The following MTPN variants were observed in gnomAD, a reference collection of about 807,000 sequenced individuals.
The protein encoded by MTPN is myotrophin.
In MTPN, 2 loss-of-function variants were observed where a neutral mutation model predicts 13.5. The observed-to-expected ratio is 0.15, with a 90% CI of 0.06 to 0.47. The LOEUF is 0.47. MTPN is among the 20% of genes least tolerant of loss of function. The pLI, the probability that MTPN is intolerant of heterozygous loss-of-function variation, is 0.97. For missense variants in MTPN, 79 were observed against 137.9 expected (o/e 0.57, Z 2.14); for synonymous variants, 46 against 51.7 (o/e 0.89, Z 0.48).
At chr7:135,930,516 G>A (rs770799811) in intron 3 of MTPN, among the ~76,000 whole-genome samples, 2 of 152,136 alleles carry the variant, frequency 1.3e-5, no homozygotes, top group East Asian at 1.9e-4. Context: ...CCTGAGATGC[G>A]GACTATAAGA....
chr7:135,941,826 C>T (rs998639725), intron 3 of MTPN, among the ~76,000 whole-genome samples: 1 of 151,008 alleles, frequency 6.6e-6, no homozygotes, highest in African/African-American at 2.4e-5. Flanking sequence ...AAAGCACAAA[C>T]GAGCCTTCAA....
chr7:135,931,758 C>A (rs1799025380), intron 3 of MTPN, among the ~76,000 whole-genome samples: 1 of 152,112 alleles, frequency 6.6e-6, no homozygotes, highest in Non-Finnish European at 1.5e-5. Flanking sequence ...GAGTTTATTT[C>A]CCTCCATTTG....
chr7:135,950,547 T>C (rs1164921485), intron 3 of MTPN, 52 bp downstream of exon 3: 1 of 1,346,464 alleles, frequency 7.4e-7, no homozygotes, highest in South Asian at 1.2e-5. Context: ...AATCAAATAC[T>C]TGGCTTAAAC....
At chr7:135,940,369 T>C (rs545513833) in intron 3 of MTPN, among the ~76,000 whole-genome samples, 1 of 152,342 alleles carries the variant, frequency 6.6e-6, no homozygotes, top group African/African-American at 2.4e-5. Context: ...TAATTTCATA[T>C]TTAATTTACA....
intron 1 of MTPN, among the ~76,000 whole-genome samples, chr7:135,968,018 C>T (rs973472836): frequency 6.6e-6 from 1 of 152,062 alleles, no homozygotes; most frequent in African/African-American, 2.4e-5. Context: ...TCTTGAACTC[C>T]TGGGCTCAAG....
intron 3 of MTPN, chr7:135,932,276 C>T (rs1332129395): frequency 1.3e-5 from 2 of 152,068 alleles, no homozygotes; most frequent in Non-Finnish European, 2.9e-5. Context: ...TGGGGCACCA[C>T]CTCGATGAAA....
intron 1 of MTPN, among the ~76,000 whole-genome samples, chr7:135,966,578 T>G (rs1474371201): frequency 6.6e-6 from 1 of 152,014 alleles, no homozygotes; most frequent in Non-Finnish European, 1.5e-5. Context: ...GGACTGTCTG[T>G]GAAATCAAAA....
At chr7:135,936,945 T>TA (rs916319997) in intron 3 of MTPN, among the ~76,000 whole-genome samples, 1 of 152,180 alleles carries the variant, frequency 6.6e-6, no homozygotes, top group African/African-American at 2.4e-5. Context: ...GCAGAATGTT[T>TA]AAAAAAACTT....
chr7:135,960,505 A>G (rs1799504160), intron 1 of MTPN, among the ~76,000 whole-genome samples: 1 of 152,028 alleles, frequency 6.6e-6, no homozygotes, highest in African/African-American at 2.4e-5. Flanking sequence ...AGCACACCCT[A>G]AATCTGAATA....
At chr7:135,950,486 T>C (rs779692758) in intron 3 of MTPN, 113 bp downstream of exon 3, 8 of 852,764 alleles carry the variant, frequency 9.4e-6, no homozygotes, top group Middle Eastern at 2.4e-4. Context: ...ATTTTGTATA[T>C]TGCTTCCAGT....
chr7:135,933,396 C>A (rs761233447), intron 3 of MTPN, among the ~76,000 whole-genome samples: 2 of 151,996 alleles, frequency 1.3e-5, no homozygotes, highest in African/African-American at 2.4e-5. Flanking sequence ...TTTATTTAAA[C>A]CTGTATTTCT....
chr7:135,977,325 C>T lies in MTPN; in HGVS notation c.-225G>A. 1 of 579,210 alleles carries T rather than the reference C, an allele frequency of 1.7e-6. No homozygotes were observed. The highest frequency in any genetic ancestry group is 2.0e-5 in the South Asian group (1 of 50,816). 35.9% of individuals were successfully genotyped at this position (579,210 alleles called of 1,614,324 possible). ...GCCACCGGGCCCAGCAGAGAGGTTC[C>T]GCCTGGCCGAGGAGAGGCAGGAACC... On this transcript the variant is annotated 5_prime_UTR_variant, in exon 1 of 4. Coordinates refer to ENST00000393085, the MANE Select transcript of MTPN (RefSeq NM_145808.4).
intron 1 of MTPN, among the ~76,000 whole-genome samples, chr7:135,965,548 A>G (rs1390613177): frequency 6.6e-6 from 1 of 152,156 alleles, no homozygotes; most frequent in Non-Finnish European, 1.5e-5. Context: ...TACCAAGGTA[A>G]AAGTACTGAT....
intron 1 of MTPN, among the ~76,000 whole-genome samples, chr7:135,967,936 A>G (rs929639601): frequency 2.0e-5 from 3 of 152,104 alleles, no homozygotes; most frequent in African/African-American, 7.2e-5. Context: ...CTATTGTACT[A>G]TGTTTAAAGT....
intron 3 of MTPN, among the ~76,000 whole-genome samples, chr7:135,936,172 A>G (rs999755910): frequency 4.6e-5 from 7 of 152,194 alleles, no homozygotes; most frequent in African/African-American, 1.7e-4. Flanking sequence ...CAGGCCCAAT[A>G]AGAGGTAATC....
intron 3 of MTPN, among the ~76,000 whole-genome samples, chr7:135,934,480 C>G (rs1418692844): frequency 6.6e-6 from 1 of 152,092 alleles, no homozygotes; most frequent in African/African-American, 2.4e-5. Flanking sequence ...TGTGCATATC[C>G]CAGTAGCCTA....
At position 135,928,695 on chromosome 7, in the gene MTPN, T is replaced by TA. The variant is rs1798966923; in HGVS notation, c.*1230dup. On this transcript the variant is annotated 3_prime_UTR_variant, in exon 4 of 4. Transcript: ENST00000393085. ...ATGTGTAAATATTTTCTGCAGGTCA[T>TA]AAGAACACCATTTTAGGGCACTGTA... 1 of 167,012 alleles carries TA rather than the reference T, an allele frequency of 6.0e-6. No homozygotes were observed. Among genetic ancestry groups the TA allele is most frequent in the Non-Finnish European group, 1.5e-5 (1 of 68,128 alleles). 10.3% of individuals were successfully genotyped at this position (167,012 alleles called of 1,614,324 possible).
intron 3 of MTPN, among the ~76,000 whole-genome samples, chr7:135,934,382 C>T (rs1315949895): frequency 6.6e-6 from 1 of 152,190 alleles, no homozygotes; most frequent in Non-Finnish European, 1.5e-5. Flanking sequence ...GCTCGTCCTA[C>T]AGCTGCTTCT....
chr7:135,942,103 G>A (rs1799222967), intron 3 of MTPN, among the ~76,000 whole-genome samples: 1 of 151,870 alleles, frequency 6.6e-6, no homozygotes, highest in African/African-American at 2.4e-5. Flanking sequence ...TGGCCAGGCT[G>A]GTCTCGAACT....
Sources: allele counts gnomAD v4.1 joint callset (sites outside exome capture counted in the v4.1 genomes callset), GRCh38; gene constraint gnomAD v4.1.1; transcripts MANE v1.5; gene names NCBI Gene and HGNC (gene_info 2026-07-23, HGNC 2026-07-21).